Variants in DCLK1 observed in about 807,000 individuals in gnomAD.
DCLK1 encodes doublecortin like kinase 1.
A neutral mutation model predicts 86.2 loss-of-function variants in DCLK1; 16 were observed. The ratio of observed to expected loss-of-function variants is 0.19; its 90% CI spans 0.13 to 0.28. DCLK1 has a LOEUF of 0.28. Among genes scored for constraint, DCLK1 ranks in the 10% least tolerant of loss-of-function variants. The pLI, the probability that DCLK1 is intolerant of heterozygous loss-of-function variation, is 1.00. For missense variants in DCLK1, 590 were observed against 940.2 expected, an observed-to-expected ratio of 0.63 and a Z score of 4.87; for synonymous variants, 369 against 370.5, an observed-to-expected ratio of 1.00 and a Z score of 0.05.
chr13:36,055,330 CT>C (rs1220432519), intron 3 of DCLK1, among the ~76,000 whole-genome samples: 7 of 152,176 alleles, frequency 4.6e-5, no homozygotes, highest in Admixed American at 4.6e-4. Context: ...TCTGTTGTGA[CT>C]TTTATTAATC....
chr13:35,997,917 TA>T (rs2153145190), intron 3 of DCLK1, among the ~76,000 whole-genome samples: 1 of 152,324 alleles, frequency 6.6e-6, no homozygotes, highest in South Asian at 2.1e-4. Context: ...ATATTTAATA[TA>T]AAGCACAACC....
Position 36,112,106 on chromosome 13 carries a change from TGC to T in DCLK1, c.484_485del (p.Ala162SerfsTer18). On this transcript the variant is annotated frameshift_variant, in exon 3 of 17. Transcript: ENST00000360631. LOFTEE classifies it high-confidence loss of function. Reference sequence around the variant, plus strand: ...CTTTGGCAGTGGCCAGTGAAGACACTGCCCGAGAAGCCGAGGTGGTCTTGACG... The same window carrying T: ...CTTTGGCAGTGGCCAGTGAAGACACTCCGAGAAGCCGAGGTGGTCTTGACG... ...VNVKTTSASRAVSSLATAKGS... is the reference protein window; with the variant it reads ...VNVKTTSASRXVSSLATAKGS... 1 of 1,614,074 alleles carries T rather than the reference TGC, an allele frequency of 6.2e-7. No homozygotes were observed. Among genetic ancestry groups the T allele is most frequent in the Non-Finnish European group, 8.5e-7 (1 of 1,179,940 alleles).
At chr13:35,935,231 A>G (rs1386666082) in intron 4 of DCLK1, among the ~76,000 whole-genome samples, 1 of 152,232 alleles carries the variant, frequency 6.6e-6, no homozygotes, top group Non-Finnish European at 1.5e-5. Flanking sequence ...CTAGAAAGAT[A>G]TAACCCAGTC....
chr13:36,093,189 T>C (rs560213566), intron 3 of DCLK1, among the ~76,000 whole-genome samples: 2 of 152,348 alleles, frequency 1.3e-5, no homozygotes, highest in African/African-American at 2.4e-5. Flanking sequence ...GAGGAAGGAC[T>C]GCTCACATAG....
chr13:35,981,859 C>G (rs945687767), intron 3 of DCLK1, among the ~76,000 whole-genome samples: 1 of 152,160 alleles, frequency 6.6e-6, no homozygotes, highest in African/African-American at 2.4e-5. Context: ...TTTTAAGGAA[C>G]TGTCACCCTC....
chr13:35,936,551 G>T (rs183417978), intron 4 of DCLK1, among the ~76,000 whole-genome samples: 1 of 152,340 alleles, frequency 6.6e-6, no homozygotes, highest in Admixed American at 6.5e-5. Context: ...AAAGAGGGGC[G>T]ATGCTCCCCT....
intron 4 of DCLK1, among the ~76,000 whole-genome samples, chr13:35,911,655 T>C (rs1420715551): frequency 6.6e-6 from 1 of 152,238 alleles, no homozygotes; most frequent in Admixed American, 6.5e-5. Flanking sequence ...CAATTTAAGC[T>C]GCCCTTTGTG....
At chr13:35,862,392 G>A (rs1420989966) in intron 5 of DCLK1, among the ~76,000 whole-genome samples, 2 of 151,876 alleles carry the variant, frequency 1.3e-5, no homozygotes, top group Non-Finnish European at 2.9e-5. Context: ...ATTTCCCTTT[G>A]AGGTCTCCCC....
At chr13:35,801,067 T>C (rs2086909420) in intron 15 of DCLK1, among the ~76,000 whole-genome samples, 3 of 152,068 alleles carry the variant, frequency 2.0e-5, no homozygotes, top group East Asian at 3.9e-4. Flanking sequence ...AAAAAAGTCA[T>C]GGTATAAGCA....
intron 16 of DCLK1, among the ~76,000 whole-genome samples, chr13:35,779,401 T>C (rs2086483410): frequency 1.3e-5 from 2 of 152,236 alleles, no homozygotes; most frequent in Non-Finnish European, 2.9e-5. Context: ...TGACCTTCTA[T>C]TATTTTTCTT....
At chr13:35,799,333 C>T (rs193204048) in intron 15 of DCLK1, among the ~76,000 whole-genome samples, 1 of 152,098 alleles carries the variant, frequency 6.6e-6, no homozygotes, top group Non-Finnish European at 1.5e-5. Flanking sequence ...CTCACCGCAA[C>T]CTCTGCCTCC....
At chr13:36,075,488 C>T (rs890348842) in intron 3 of DCLK1, among the ~76,000 whole-genome samples, 3 of 152,120 alleles carry the variant, frequency 2.0e-5, no homozygotes, top group Non-Finnish European at 4.4e-5. Context: ...CACCAACTGC[C>T]TTATAATTTA....
At chr13:35,859,003 A>G (rs1337962746) in intron 5 of DCLK1, among the ~76,000 whole-genome samples, 2 of 152,248 alleles carry the variant, frequency 1.3e-5, no homozygotes, top group Non-Finnish European at 2.9e-5. Flanking sequence ...TCTTTCATAA[A>G]TAAGTTTGAC....
At position 35,967,237 on chromosome 13, in the gene DCLK1, C is replaced by T. The variant is rs565480362; in HGVS notation, c.724-19780G>A. On this transcript the variant is annotated intron_variant, in intron 3 of 16. Coordinates refer to ENST00000360631, the MANE Select transcript of DCLK1 (RefSeq NM_001330071.2). ...GAGCCCCTCTGCCCGGCCGCCGCCC[C>T]GTCTGGGAGGTTGGGGGCGCCTCTG... is the stretch of plus-strand genomic sequence containing the variant. Among the ~76,000 whole-genome samples, 85 of 151,666 alleles carry T rather than the reference C, an allele frequency of 5.6e-4. No individual in the cohort carries two copies. In the East Asian group the frequency reaches 0.011, roughly 19 times the overall value.
intron 7 of DCLK1, among the ~76,000 whole-genome samples, chr13:35,838,884 C>A (rs907921055): frequency 6.6e-6 from 1 of 152,098 alleles, no homozygotes; most frequent in Non-Finnish European, 1.5e-5. Context: ...GAAATGTCTC[C>A]GAAATGGGCC....
chr13:35,989,711 C>CTTTTTTTTTTTTTTTTTT (rs567228278), intron 3 of DCLK1, among the ~76,000 whole-genome samples: 1 of 134,222 alleles, frequency 7.5e-6, no homozygotes. Context: ...GGCTAATTGG[C>CTTTTTTTTTTTTTTTTTT]TTTTTTTTTT....
rs538870134 is a variant in DCLK1, at chr13:36,032,641, G to A, written c.723+79228C>T. Among the ~76,000 whole-genome samples the A allele has an allele frequency of 7.2e-5, 11 of 152,182 alleles. No homozygotes were observed. The South Asian group carries it at 2.3e-3, about 32-fold the overall frequency. On this transcript the variant is annotated intron_variant, in intron 3 of 16. Transcript: ENST00000360631. ...ATTTGGCCTTTTTATGTTCCAATAGGGGACAGTCCATTTTTGCAATGATCC... is the reference window on the plus strand; with the variant it reads ...ATTTGGCCTTTTTATGTTCCAATAGAGGACAGTCCATTTTTGCAATGATCC...
intron 3 of DCLK1, among the ~76,000 whole-genome samples, chr13:36,070,467 T>C (rs1459002596): frequency 2.0e-5 from 3 of 152,132 alleles, no homozygotes; most frequent in African/African-American, 2.4e-5. Context: ...AGAATTTCTA[T>C]TAGGTTAGGT....
At chr13:35,835,129 T>C (rs933867813) in intron 8 of DCLK1, among the ~76,000 whole-genome samples, 1 of 152,088 alleles carries the variant, frequency 6.6e-6, no homozygotes, top group Non-Finnish European at 1.5e-5. Context: ...TCTTCTCTCC[T>C]CAGTCGTCCT....
Sources: gnomAD v4.1 joint callset for allele counts (sites outside exome capture counted in the v4.1 genomes callset) on GRCh38, gnomAD v4.1.1 for gene constraint, MANE v1.5 for transcripts, NCBI Gene and HGNC (gene_info 2026-07-23, HGNC 2026-07-21) for gene names.